APP: variants seen among roughly 807,000 people sequenced by gnomAD.
APP encodes amyloid-beta precursor protein.
A neutral mutation model predicts 101.4 loss-of-function variants in APP; 31 were observed. The ratio of observed to expected loss-of-function variants is 0.31; its 90% CI spans 0.23 to 0.41. The LOEUF (loss-of-function observed/expected upper bound fraction) is 0.41, where lower values mean the gene tolerates loss of function less well. Among genes scored for constraint, APP ranks in the 10% least tolerant of loss-of-function variants. The probability of loss-of-function intolerance (pLI) is 1.00; values close to 1 mark genes in which losing one functional copy is unlikely to be tolerated. For synonymous variants in APP, 366 were observed against 364.4 expected (o/e 1.00, Z -0.05); for missense variants, 839 against 1,003.7 (o/e 0.84, Z 2.22).
At chr21:26,068,771 TAAAGTAA>T (rs143411485) in intron 3 of APP, among the ~76,000 whole-genome samples, 11,266 of 152,206 alleles carry the variant, frequency 0.074, 843 homozygotes, top group East Asian at 0.23. Flanking sequence ...ATTCTGATTA[TAAAGTAA>T]GGCTCTGTCT....
intron 1 of APP, among the ~76,000 whole-genome samples, chr21:26,116,359 CTT>C (rs2062434537): frequency 1.3e-5 from 2 of 152,090 alleles, no homozygotes; most frequent in Admixed American, 6.5e-5. Flanking sequence ...TTAGAAATGG[CTT>C]TAAAAGAGGC....
At chr21:25,949,595 C>T (rs189729138) in intron 13 of APP, among the ~76,000 whole-genome samples, 7 of 152,288 alleles carry the variant, frequency 4.6e-5, no homozygotes, top group Admixed American at 4.6e-4. Context: ...TGGGGACTGG[C>T]TTCAACCTTA....
intron 3 of APP, among the ~76,000 whole-genome samples, chr21:26,078,403 AGTCTAT>A (rs1444768408): frequency 6.6e-6 from 1 of 152,202 alleles, no homozygotes; most frequent in Non-Finnish European, 1.5e-5. Flanking sequence ...TATTATGAGA[AGTCTAT>A]GTCTAATATA....
At chr21:25,968,864 C>T (rs1248023778) in intron 11 of APP, among the ~76,000 whole-genome samples, 9 of 152,062 alleles carry the variant, frequency 5.9e-5, no homozygotes, top group South Asian at 2.1e-4. Context: ...TCTATGGAAA[C>T]GACACTTTTG....
At chr21:26,054,893 T>G (rs2045981130) in intron 3 of APP, among the ~76,000 whole-genome samples, 1 of 152,142 alleles carries the variant, frequency 6.6e-6, no homozygotes, top group South Asian at 2.1e-4. Context: ...TTAAAAGCCC[T>G]AAGAAGGGGA....
At chr21:25,900,292 G>C (rs1191114771) in intron 15 of APP, among the ~76,000 whole-genome samples, 1 of 145,938 alleles carries the variant, frequency 6.9e-6, no homozygotes, top group Non-Finnish European at 1.5e-5. Context: ...CAGCACTTTG[G>C]GAGGCCAAGC....
At chr21:25,908,341 A>C (rs1787440) in intron 14 of APP, among the ~76,000 whole-genome samples, 139,222 of 152,300 alleles carry the variant, frequency 0.91, 63,703 homozygotes, top group African/African-American at 0.92. Context: ...GGGCATCAGA[A>C]CCTCCTCTGG....
chr21:26,153,629 C>T (rs1188297550), intron 1 of APP, among the ~76,000 whole-genome samples: 1 of 152,150 alleles, frequency 6.6e-6, no homozygotes, highest in African/African-American at 2.4e-5. Context: ...GTACTTTTAA[C>T]TCATTCCTAC....
chr21:26,170,891 G>A, upstream of APP: 1 of 357,312 alleles, frequency 2.8e-6, no homozygotes, highest in Non-Finnish European at 4.9e-6. Context: ...GCTCGCGCCG[G>A]GAGGGGCCCT....
intron 13 of APP, among the ~76,000 whole-genome samples, chr21:25,923,240 T>A (rs1456870108): frequency 1.6e-5 from 2 of 126,372 alleles, no homozygotes; most frequent in East Asian, 4.6e-4. Context: ...CAAGATGGAT[T>A]AAAGATTTAA....
At chr21:25,984,075 G>A (rs2042546589) in intron 8 of APP, among the ~76,000 whole-genome samples, 5 of 152,038 alleles carry the variant, frequency 3.3e-5, no homozygotes, top group Admixed American at 3.3e-4. Context: ...CGGCAGAGAG[G>A]GTGACACACA....
chr21:26,047,761 C>T (rs556958167), intron 5 of APP, among the ~76,000 whole-genome samples: 3 of 152,188 alleles, frequency 2.0e-5, no homozygotes, highest in Admixed American at 6.5e-5. Context: ...AGGAACTACA[C>T]TGTCCAAATA....
At chr21:26,010,213 C>CAAAAA (rs74265002) in intron 6 of APP, among the ~76,000 whole-genome samples, 10 of 80,156 alleles carry the variant, frequency 1.2e-4, no homozygotes, top group Non-Finnish European at 1.1e-4. Flanking sequence ...TCCTTTTGAA[C>CAAAAA]AAAAAAAAAA....
intron 6 of APP, among the ~76,000 whole-genome samples, chr21:26,016,335 T>G (rs777846931): frequency 5.3e-5 from 8 of 152,154 alleles, no homozygotes; most frequent in Non-Finnish European, 1.0e-4. Context: ...GCCAGCCTGA[T>G]CACTTCAAGT....
chr21:26,162,984 T>C (rs2063523616), intron 1 of APP, among the ~76,000 whole-genome samples: 1 of 149,536 alleles, frequency 6.7e-6, no homozygotes, highest in African/African-American at 2.5e-5. Flanking sequence ...TCCCAGCACT[T>C]TGGGAGGCCT....
At chr21:25,999,009 G>A (rs2043166350) in intron 7 of APP, among the ~76,000 whole-genome samples, 2 of 152,214 alleles carry the variant, frequency 1.3e-5, no homozygotes, top group Admixed American at 1.3e-4. Flanking sequence ...ATTATGTTCT[G>A]GCGGGGTGCA....
chr21:26,036,026 G>T (rs2045093301), intron 5 of APP, among the ~76,000 whole-genome samples: 1 of 152,098 alleles, frequency 6.6e-6, no homozygotes, highest in South Asian at 2.1e-4. Context: ...GACATGTTAG[G>T]ATTCATATGC....
intron 13 of APP, among the ~76,000 whole-genome samples, chr21:25,925,864 A>C (rs1366211958): frequency 6.6e-6 from 1 of 152,190 alleles, no homozygotes; most frequent in Non-Finnish European, 1.5e-5. Context: ...TGAACCCGGG[A>C]GGTGGAGGCT....
At chr21:25,948,635 T>C (rs1342912134) in intron 13 of APP, among the ~76,000 whole-genome samples, 2 of 152,208 alleles carry the variant, frequency 1.3e-5, no homozygotes, top group African/African-American at 4.8e-5. Flanking sequence ...TCCTACTGCC[T>C]TTCTCATAAA....
Sources: gnomAD v4.1 joint callset for allele counts (sites outside exome capture counted in the v4.1 genomes callset) on GRCh38, gnomAD v4.1.1 for gene constraint, MANE v1.5 for transcripts, NCBI Gene and HGNC (gene_info 2026-07-23, HGNC 2026-07-21) for gene names.